Variants in C6orf132 observed in about 807,000 individuals in gnomAD.
C6orf132 encodes the protein uncharacterized protein C6orf132.
A neutral mutation model predicts 65.3 loss-of-function variants in C6orf132; 43 were observed. The ratio of observed to expected loss-of-function variants is 0.66; its 90% confidence interval spans 0.52 to 0.85. The LOEUF is 0.85. C6orf132 is among the 40% of genes least tolerant of loss of function. C6orf132 has a pLI of 0.00. For synonymous variants in C6orf132, 631 were observed against 654.1 expected (o/e 0.96, Z 0.54); for missense variants, 1,488 against 1,548.8 (o/e 0.96, Z 0.66).
rs1394594745 is a variant in C6orf132 at position 42,102,129 on chromosome 6, G to T, written c.*1632C>A. The T allele has an allele frequency of 6.6e-6, 1 of 151,948 alleles. No homozygotes were observed. The highest frequency in any genetic ancestry group is 1.5e-5 in the Non-Finnish European group (1 of 68,062). 9.4% of individuals were successfully genotyped at this position (151,948 alleles called of 1,614,324 possible). ...TAAACCAGGACTTTTTTGAAAAGTGGAAGGGGGTCTAATTCACTGGAAAAC... is the reference window on the plus strand; with the variant it reads ...TAAACCAGGACTTTTTTGAAAAGTGTAAGGGGGTCTAATTCACTGGAAAAC... On this transcript the variant is annotated 3_prime_UTR_variant, in exon 5 of 5. Transcript: ENST00000341865.
intron 2 of C6orf132, among the ~76,000 whole-genome samples, chr6:42,115,648 AAAAAT>A (rs1237102741): frequency 6.6e-6 from 1 of 152,218 alleles, no homozygotes; most frequent in Non-Finnish European, 1.5e-5. Context: ...TCCGTCTCAA[AAAAAT>A]AAAATAAATA....
chr6:42,140,923 G>A (rs1767020060), intron 1 of C6orf132, among the ~76,000 whole-genome samples: 3 of 152,334 alleles, frequency 2.0e-5, no homozygotes, highest in African/African-American at 2.4e-5. Context: ...GTGTCTGGGA[G>A]TGCCTACACC....
intron 2 of C6orf132, among the ~76,000 whole-genome samples, chr6:42,114,214 G>C (rs1766532928): frequency 6.6e-6 from 1 of 152,156 alleles, no homozygotes; most frequent in Non-Finnish European, 1.5e-5. Flanking sequence ...TCCAAGCCCT[G>C]GCTTCTTAGG....
At chr6:42,131,043 G>A (rs1014686140) in intron 1 of C6orf132, among the ~76,000 whole-genome samples, 3 of 151,608 alleles carry the variant, frequency 2.0e-5, no homozygotes, top group Admixed American at 6.6e-5. Flanking sequence ...GCACCACCAC[G>A]CCCAGCTAAT....
chr6:42,134,376 A>T (rs1766905914), intron 1 of C6orf132, among the ~76,000 whole-genome samples: 1 of 152,172 alleles, frequency 6.6e-6, no homozygotes, highest in African/African-American at 2.4e-5. Flanking sequence ...GCAGATATTT[A>T]TGCTCAATAA....
intron 1 of C6orf132, among the ~76,000 whole-genome samples, chr6:42,138,858 C>CACACACACACAA (rs1423278688): frequency 6.6e-6 from 1 of 150,528 alleles, no homozygotes; most frequent in African/African-American, 2.5e-5. Context: ...TAAACACACA[C>CACACACACACAA]ACACACACAC....
chr6:42,115,540 G>A (rs1251794263), intron 2 of C6orf132, among the ~76,000 whole-genome samples: 1 of 151,820 alleles, frequency 6.6e-6, no homozygotes, highest in Non-Finnish European at 1.5e-5. Context: ...CAGCTACTCG[G>A]GAGGCTGAGG....
chr6:42,133,306 T>C (rs1223807158), intron 1 of C6orf132, among the ~76,000 whole-genome samples: 1 of 152,208 alleles, frequency 6.6e-6, no homozygotes, highest in Admixed American at 6.5e-5. Flanking sequence ...AAGACTGCAG[T>C]GAGAAAGAGG....
At chr6:42,114,493 A>G (rs771374306) in intron 2 of C6orf132, among the ~76,000 whole-genome samples, 3 of 152,224 alleles carry the variant, frequency 2.0e-5, no homozygotes, top group Non-Finnish European at 4.4e-5. Context: ...TTTTCAGGGA[A>G]GGCAAATGCA....
chr6:42,106,910 A>C lies in C6orf132; in HGVS notation c.1002T>G (p.Ala334=), dbSNP rs2127473646. 1 of 1,519,860 alleles carries C rather than the reference A, an allele frequency of 6.6e-7. No individual in the cohort carries two copies. Among genetic ancestry groups the C allele is most frequent in the African/African-American group, 1.5e-5 (1 of 68,094 alleles). The allele number at this position is 1,519,860 out of a possible 1,614,324, so 94.1% of individuals were successfully genotyped here. ...PRKEEGATKK[A]PSRLPLPPSF... is the part of the protein sequence containing the mutation. ...TGGGAGGCAGTGGGAGTCGGCTGGG[A>C]GCCTTCTTGGTGGCCCCCTCTTCCT... The change falls in exon 4 of 5, where the codon GCT becomes GCG. Residue 334 remains alanine (A), a synonymous_variant. Coordinates refer to ENST00000341865, the MANE Select transcript of C6orf132 (RefSeq NM_001164446.3).
intron 2 of C6orf132, among the ~76,000 whole-genome samples, chr6:42,127,264 G>A (rs1248154942): frequency 6.6e-6 from 1 of 152,202 alleles, no homozygotes; most frequent in Non-Finnish European, 1.5e-5. Flanking sequence ...CTTGTTGGTG[G>A]TGGTGTTGCA....
intron 2 of C6orf132, 86 bp from the exon 3 acceptor site, chr6:42,110,377 C>T: frequency 9.6e-7 from 1 of 1,038,102 alleles, no homozygotes; most frequent in Non-Finnish European, 1.4e-6. Flanking sequence ...CATTTTACTG[C>T]TTGAAAATCT....
intron 2 of C6orf132, among the ~76,000 whole-genome samples, chr6:42,117,923 CAAAAAAAAAAA>C (rs556142891): frequency 1.3e-3 from 78 of 62,358 alleles, no homozygotes; most frequent in South Asian, 2.5e-3. Flanking sequence ...AACCCTGTCA[CAAAAAAAAAAA>C]AAAAAAAAAA....
intron 1 of C6orf132, among the ~76,000 whole-genome samples, chr6:42,131,218 ACCATGTTGG>A (rs1212407210): frequency 1.3e-5 from 2 of 151,968 alleles, no homozygotes; most frequent in Non-Finnish European, 2.9e-5. Flanking sequence ...ATGGTGTTTC[ACCATGTTGG>A]CCAGGCTGAT....
chr6:42,121,077 C>T (rs1308155230), intron 2 of C6orf132, among the ~76,000 whole-genome samples: 1 of 152,202 alleles, frequency 6.6e-6, no homozygotes, highest in Non-Finnish European at 1.5e-5. Context: ...TTCTTGCCTT[C>T]TGAGGCTCAG....
At position 42,104,691 on chromosome 6, in the gene C6orf132, C is replaced by T; in HGVS notation, c.3221G>A (p.Gly1074Asp). The T allele has an allele frequency of 6.6e-7, 1 of 1,515,628 alleles. No homozygotes were observed. Among genetic ancestry groups the T allele is most frequent in the Non-Finnish European group, 8.8e-7 (1 of 1,138,352 alleles). 93.9% of individuals were successfully genotyped at this position (1,515,628 alleles called of 1,614,324 possible). A position where few individuals can be genotyped will look rare whatever the true frequency, so the allele number is the denominator to read the frequency against. The change falls in exon 4 of 5, where the codon GGC becomes GAC. Residue 1074 changes from glycine (G) to aspartate (D), a missense_variant. Coordinates refer to ENST00000341865, the MANE Select transcript of C6orf132 (RefSeq NM_001164446.3). The surrounding 1 kb of genome is among the most constrained non-coding windows in gnomAD (Gnocchi z 4.1). Reference sequence around the variant, plus strand: ...GGTGCCACCGTGGGGTAGCCCTGGGCCTCGGTGCGGCTCCCCGACGTACAG... The same window carrying T: ...GGTGCCACCGTGGGGTAGCCCTGGGTCTCGGTGCGGCTCCCCGACGTACAG... ...KRLYVGEPHR[G>D]PGLPHGGTGR...
rs1562038971 is a variant in C6orf132 at position 42,124,066 on chromosome 6, G to C, written c.252+4606C>G. ...CATTTTAACACAGAAAGTCGTGGCTGGGGAGACCCTTGAGGACTATGCAGT... is the reference window on the plus strand; with the variant it reads ...CATTTTAACACAGAAAGTCGTGGCTCGGGAGACCCTTGAGGACTATGCAGT... On this transcript the variant is annotated intron_variant, in intron 2 of 4. Transcript: ENST00000341865. This position sits in a 1 kb window ranked among gnomAD's most constrained non-coding sequence, Gnocchi z 4.0. Among the ~76,000 whole-genome samples the C allele has an allele frequency of 6.6e-6, 1 of 152,338 alleles. No individual in the cohort carries two copies. The highest frequency in any genetic ancestry group is 1.9e-4 in the East Asian group (1 of 5,184).
chr6:42,142,240 C>CG lies in C6orf132; in HGVS notation c.145+59dup. The CG allele has an allele frequency of 5.3e-6, 8 of 1,513,946 alleles. No individual in the cohort carries two copies. The South Asian group carries it at 9.8e-5, about 19-fold the overall frequency. The allele number at this position is 1,513,946 out of a possible 1,614,324, so 93.8% of individuals were successfully genotyped here. A position where few individuals can be genotyped will look rare whatever the true frequency, so the allele number is the denominator to read the frequency against. On this transcript the variant is annotated intron_variant, in intron 1 of 4. Coordinates refer to ENST00000341865, the MANE Select transcript of C6orf132 (RefSeq NM_001164446.3). ...CCGCGCCTCCAGGAGACAGCACCGC[C>CG]GGCCCTGCCCCAGCGCCCTCCGTCC...
rs1310200153 is a variant in C6orf132 at position 42,111,296 on chromosome 6, T to TTG, written c.253-1006_253-1005insCA. The stretch of plus-strand genomic sequence containing the variant: ...CTGGCTAATTTTTTTTTTTTTTTTT[T>TTG]TTGAGATGGAGTCTTGCTCTGTCAC... On this transcript the variant is annotated intron_variant, in intron 2 of 4. Coordinates refer to ENST00000341865, the MANE Select transcript of C6orf132 (RefSeq NM_001164446.3). Among the ~76,000 whole-genome samples the TTG allele has an allele frequency of 1.9e-4, 29 of 150,368 alleles. 2 individuals are homozygous for TTG. The South Asian group carries it at 3.6e-3, about 19-fold the overall frequency.
Sources: gnomAD v4.1 joint callset for allele counts (sites outside exome capture counted in the v4.1 genomes callset) on GRCh38, gnomAD v4.1.1 for gene constraint, Gnocchi (gnomAD v3.1) non-coding constraint, MANE v1.5 for transcripts, NCBI Gene and HGNC (gene_info 2026-07-23, HGNC 2026-07-21) for gene names.